Variants in DNAJC3 observed in about 807,000 individuals in gnomAD.
DNAJC3 encodes the protein DnaJ heat shock protein family (Hsp40) member C3.
Under a neutral mutation model 68.6 loss-of-function variants are expected in DNAJC3, and 38 were observed. That is an observed-to-expected ratio of 0.55 (90% CI 0.43 to 0.73). The LOEUF (loss-of-function observed/expected upper bound fraction) is 0.73, where lower values mean the gene tolerates loss of function less well. DNAJC3 is among the 30% of genes least tolerant of loss of function. The pLI, the probability that DNAJC3 is intolerant of heterozygous loss-of-function variation, is 0.00. For missense variants in DNAJC3, 526 were observed against 591.9 expected, an observed-to-expected ratio of 0.89 and a Z score of 1.16; for synonymous variants, 203 against 204.0, an observed-to-expected ratio of 1.00 and a Z score of 0.04.
chr13:95,680,776 T>A (rs1222659136), intron 1 of DNAJC3, among the ~76,000 whole-genome samples: 1 of 152,228 alleles, frequency 6.6e-6, no homozygotes, highest in Non-Finnish European at 1.5e-5. Flanking sequence ...AAGTTTAATT[T>A]CTACTGCTGT....
intron 2 of DNAJC3, among the ~76,000 whole-genome samples, chr13:95,720,639 C>G (rs1881291545): frequency 1.3e-5 from 2 of 152,142 alleles, no homozygotes; most frequent in Non-Finnish European, 2.9e-5. Flanking sequence ...TGTAGTTACT[C>G]TGATTCCTAC....
In DNAJC3 at chr13:95,760,799, G is replaced by T; in HGVS notation, c.848+1G>T. 1.2e-6 allele frequency: 2 copies of T among 1,610,464 alleles called. No individual in the cohort carries two copies. The highest frequency in any genetic ancestry group is 1.7e-6 in the Non-Finnish European group (2 of 1,178,264). On this transcript the variant is annotated splice_donor_variant, in intron 7 of 11. Coordinates refer to ENST00000602402, the MANE Select transcript of DNAJC3 (RefSeq NM_006260.5). LOFTEE classifies it high-confidence loss of function. Reference sequence around the variant, plus strand: ...CTGAAGAGCTCATCAGAGATGGCAGGTGAGAATATGGTTGTTCCAACTGTC... The same window carrying T: ...CTGAAGAGCTCATCAGAGATGGCAGTTGAGAATATGGTTGTTCCAACTGTC...
At chr13:95,733,369 G>A (rs537424750) in intron 4 of DNAJC3, among the ~76,000 whole-genome samples, 39 of 152,088 alleles carry the variant, frequency 2.6e-4, no homozygotes, top group Admixed American at 6.6e-4. Flanking sequence ...GAACTGATCC[G>A]TTTATTATTA....
chr13:95,759,172 C>T (rs1882749149), intron 5 of DNAJC3, among the ~76,000 whole-genome samples: 2 of 152,118 alleles, frequency 1.3e-5, no homozygotes, highest in Non-Finnish European at 2.9e-5. Context: ...TTTCCTAAAC[C>T]CTTATGGACT....
At chr13:95,754,077 A>G (rs1340123895) in intron 4 of DNAJC3, among the ~76,000 whole-genome samples, 1 of 152,220 alleles carries the variant, frequency 6.6e-6, no homozygotes, top group Admixed American at 6.5e-5. Context: ...ACACATTTAT[A>G]TGATTTCACA....
chr13:95,678,238 T>C (rs1193296910), intron 1 of DNAJC3, among the ~76,000 whole-genome samples: 2 of 152,236 alleles, frequency 1.3e-5, no homozygotes, highest in African/African-American at 4.8e-5. Context: ...TGCACTGATC[T>C]ATTTTCATCC....
intron 1 of DNAJC3, 62 bp from the exon 2 acceptor site, chr13:95,709,165 T>C: frequency 8.4e-7 from 1 of 1,192,282 alleles, no homozygotes; most frequent in East Asian, 2.9e-5. Context: ...TAATATTATA[T>C]TTTTTAGAAT....
chr13:95,686,014 T>G (rs1362479714), intron 1 of DNAJC3, among the ~76,000 whole-genome samples: 1 of 151,662 alleles, frequency 6.6e-6, no homozygotes, highest in Non-Finnish European at 1.5e-5. Flanking sequence ...CAGGCTGGAA[T>G]GCAGTGGCAC....
intron 4 of DNAJC3, 35 bp from the exon 5 acceptor site, chr13:95,757,606 GATT>G: frequency 6.6e-7 from 1 of 1,506,494 alleles, no homozygotes; most frequent in Non-Finnish European, 9.0e-7. Flanking sequence ...AGATTTAAGA[GATT>G]AAAAACTCTG....
At chr13:95,696,126 C>T (rs138031947) in intron 1 of DNAJC3, among the ~76,000 whole-genome samples, 27 of 152,234 alleles carry the variant, frequency 1.8e-4, no homozygotes, top group South Asian at 6.2e-4. Flanking sequence ...ACTCACATGA[C>T]GAAACTCGAT....
At chr13:95,755,796 A>G (rs1882642951) in intron 4 of DNAJC3, among the ~76,000 whole-genome samples, 1 of 151,420 alleles carries the variant, frequency 6.6e-6, no homozygotes, top group African/African-American at 2.4e-5. Flanking sequence ...GAATAAAAAA[A>G]AATCCCCCAA....
At chr13:95,765,567 GTTTTTTTTTTTTT>G (rs1024972959) in intron 9 of DNAJC3, among the ~76,000 whole-genome samples, 1 of 102,348 alleles carries the variant, frequency 9.8e-6, no homozygotes, top group Non-Finnish European at 2.0e-5. Context: ...TAATTGATCT[GTTTTTTTTTTTTT>G]TTTTTTTTGG....
chr13:95,780,782 A>G (rs1883427780), intron 9 of DNAJC3, among the ~76,000 whole-genome samples: 1 of 152,218 alleles, frequency 6.6e-6, no homozygotes, highest in Non-Finnish European at 1.5e-5. Context: ...TTAGGGGAAT[A>G]GGGTGGAAGC....
At chr13:95,773,010 T>TA (rs148502088) in intron 9 of DNAJC3, among the ~76,000 whole-genome samples, 2,275 of 152,228 alleles carry the variant, frequency 0.015, 61 homozygotes, top group African/African-American at 0.052. Context: ...GTCCCTCCTC[T>TA]ATTTTCTGAA....
Position 95,790,956 on chromosome 13 carries a change from A to T in DNAJC3, c.1441A>T (p.Ser481Cys), listed in dbSNP as rs776324830. 6.2e-7 allele frequency: 1 copy of T among 1,612,048 alleles called. No individual in the cohort carries two copies. The highest frequency in any genetic ancestry group is 8.5e-7 in the Non-Finnish European group (1 of 1,179,564). ...AGGCGGCGGCAACCCTTTCCACAGA[A>T]GCTGGAACTCATGGCAAGGGTTCAA... ...QGGGGNPFHR[S>C]WNSWQGFNPF... Residue 481 changes from serine to cysteine, a missense_variant, in exon 12 of 12, where the codon AGC becomes TGC. Physicochemically the swap from Ser to Cys is moderately radical, Grantham distance 112. Transcript: ENST00000602402.
intron 1 of DNAJC3, among the ~76,000 whole-genome samples, chr13:95,701,183 T>C (rs1296085684): frequency 1.3e-5 from 2 of 152,248 alleles, no homozygotes; most frequent in Admixed American, 6.5e-5. Flanking sequence ...TGGTATCATT[T>C]GCATTGTCCC....
chr13:95,784,337 C>A (rs1224491026), intron 9 of DNAJC3, among the ~76,000 whole-genome samples: 1 of 152,056 alleles, frequency 6.6e-6, no homozygotes, highest in Non-Finnish European at 1.5e-5. Context: ...GGCTTTCATT[C>A]CAGTGAAAAA....
At chr13:95,713,613 A>G (rs961623977) in intron 2 of DNAJC3, among the ~76,000 whole-genome samples, 10 of 152,228 alleles carry the variant, frequency 6.6e-5, no homozygotes, top group South Asian at 4.1e-4. Flanking sequence ...ACTTTATTTC[A>G]TTGAAATTGA....
intron 4 of DNAJC3, among the ~76,000 whole-genome samples, chr13:95,750,305 G>GT (rs1184413687): frequency 6.7e-6 from 1 of 148,258 alleles, no homozygotes; most frequent in Non-Finnish European, 1.5e-5. Context: ...AAACCCCACA[G>GT]TTTACTCCTG....
Sources: gnomAD v4.1 joint callset for allele counts (sites outside exome capture counted in the v4.1 genomes callset) on GRCh38, gnomAD v4.1.1 for gene constraint, MANE v1.5 for transcripts, NCBI Gene and HGNC (gene_info 2026-07-23, HGNC 2026-07-21) for gene names.